BRINP1: variants seen among roughly 807,000 people sequenced by gnomAD.
BRINP1 encodes the protein BMP/retinoic acid inducible neural specific 1, also known as BMP/retinoic acid-inducible neural-specific protein 1.
Under a neutral mutation model 72.9 loss-of-function variants are expected in BRINP1, and 17 were observed. The observed-to-expected ratio is 0.23, with a 90% CI of 0.16 to 0.35. BRINP1 has a LOEUF of 0.35. Ranked by LOEUF, BRINP1 falls within the 10% of genes least tolerant of loss-of-function variation. The probability of loss-of-function intolerance (pLI) is 1.00; values close to 1 mark genes in which losing one functional copy is unlikely to be tolerated. For missense variants in BRINP1, 850 were observed against 1,001.6 expected (o/e 0.85, Z 2.04); for synonymous variants, 418 against 378.5 (o/e 1.10, Z -1.21).
intron 2 of BRINP1, among the ~76,000 whole-genome samples, chr9:119,260,072 T>G (rs1183590189): frequency 6.6e-6 from 1 of 152,204 alleles, no homozygotes; most frequent in Non-Finnish European, 1.5e-5. Flanking sequence ...TGAAACTAGT[T>G]AAGAAATATC....
chr9:119,243,142 C>T (rs1231873808), intron 3 of BRINP1, among the ~76,000 whole-genome samples: 1 of 152,040 alleles, frequency 6.6e-6, no homozygotes, highest in Non-Finnish European at 1.5e-5. Context: ...TGGTGGTTTG[C>T]TGCACCTATA....
At chr9:119,289,183 A>G (rs558864861) in intron 2 of BRINP1, among the ~76,000 whole-genome samples, 1 of 152,248 alleles carries the variant, frequency 6.6e-6, no homozygotes, top group Non-Finnish European at 1.5e-5. Context: ...TTCTAAAGCA[A>G]AAGAACAGAA....
chr9:119,166,961 C>T lies in BRINP1; in HGVS notation c.*123G>A, dbSNP rs919766731. The T allele has an allele frequency of 2.8e-5, 30 of 1,070,614 alleles. No individual in the cohort carries two copies. In the Admixed American group the frequency reaches 5.9e-4, roughly 21 times the overall value. The allele number at this position is 1,070,614 out of a possible 1,614,324, so 66.3% of individuals were successfully genotyped here. On this transcript the variant is annotated 3_prime_UTR_variant, in exon 8 of 8. Transcript: ENST00000265922. ...ATTTCCAACAAATGAAGATTTTCCT[C>T]CTTTTCTTTGAATATTAATTACATT...
intron 2 of BRINP1, among the ~76,000 whole-genome samples, chr9:119,249,805 TGGAAGGAAGGAA>T (rs1348208106): frequency 3.2e-4 from 10 of 31,570 alleles, no homozygotes; most frequent in Admixed American, 2.3e-3. Flanking sequence ...AATAAACAAA[TGGAAGGAAGGAA>T]GGAAGGAAGG....
intron 6 of BRINP1, among the ~76,000 whole-genome samples, chr9:119,209,659 A>T (rs1829900873): frequency 6.6e-6 from 1 of 152,320 alleles, no homozygotes; most frequent in Non-Finnish European, 1.5e-5. Flanking sequence ...TAGCTATAAA[A>T]ATAAATATGT....
chr9:119,215,559 T>G (rs1281562564), intron 5 of BRINP1, among the ~76,000 whole-genome samples: 1 of 152,236 alleles, frequency 6.6e-6, no homozygotes, highest in Non-Finnish European at 1.5e-5. Context: ...GGACACTCCT[T>G]AATCCAACTC....
chr9:119,367,892 T>C (rs1203053190), intron 1 of BRINP1, among the ~76,000 whole-genome samples: 1 of 151,888 alleles, frequency 6.6e-6, no homozygotes, highest in East Asian at 1.9e-4. Context: ...TCTCTCAATA[T>C]CCCCCTAACT....
chr9:119,267,298 A>C (rs1830557147), intron 2 of BRINP1, among the ~76,000 whole-genome samples: 1 of 152,170 alleles, frequency 6.6e-6, no homozygotes, highest in South Asian at 2.1e-4. Flanking sequence ...CACACATTTG[A>C]AAAAGCAACC....
intron 2 of BRINP1, among the ~76,000 whole-genome samples, chr9:119,304,320 G>A (rs1830972865): frequency 6.6e-6 from 1 of 152,192 alleles, no homozygotes; most frequent in South Asian, 2.1e-4. Context: ...GGCAGAACCA[G>A]GATTCAAATT....
intron 7 of BRINP1, among the ~76,000 whole-genome samples, chr9:119,198,068 G>T (rs1023131438): frequency 1.3e-5 from 2 of 152,154 alleles, no homozygotes; most frequent in African/African-American, 4.8e-5. Context: ...TTATGGTATG[G>T]TTTATGCAGG....
Position 119,368,738 on chromosome 9 carries a change from C to A in BRINP1, c.-51+318G>T, listed in dbSNP as rs1437077475. ...GACACACACACACACCACGAACACACGCATCAAACGCAAACGACGCCGCAC... is the reference window on the plus strand; with the variant it reads ...GACACACACACACACCACGAACACAAGCATCAAACGCAAACGACGCCGCAC... On this transcript the variant is annotated intron_variant, in intron 1 of 7. Coordinates refer to ENST00000265922, the MANE Select transcript of BRINP1 (RefSeq NM_014618.3). The surrounding 1 kb of genome is among the most constrained non-coding windows in gnomAD (Gnocchi z 4.7). Among the ~76,000 whole-genome samples the A allele has an allele frequency of 1.3e-5, 2 of 152,166 alleles. No individual in the cohort carries two copies. The highest frequency in any genetic ancestry group is 2.9e-5 in the Non-Finnish European group (2 of 68,014).
rs369614122 is a variant in BRINP1, at chr9:119,249,015, G to C, written c.354C>G (p.Ile118Met). The C allele has an allele frequency of 1.2e-6, 2 of 1,614,040 alleles. No individual in the cohort carries two copies. The highest frequency in any genetic ancestry group is 1.7e-6 in the Non-Finnish European group (2 of 1,179,978). Residue 118 changes from isoleucine (I) to methionine (M), a missense_variant, in exon 3 of 8, where the codon ATC (isoleucine) becomes ATG (methionine). Ile to Met is a conservative substitution (Grantham distance 10). Coordinates refer to ENST00000265922, the MANE Select transcript of BRINP1 (RefSeq NM_014618.3). ...LGRRPTTQQF[I>M]DTIIKKYGTH... The stretch of plus-strand genomic sequence containing the variant: ...TGCCGTACTTTTTGATGATGGTATC[G>C]ATGAACTGCTGAGTGGTAGGTCTCC...
At chr9:119,283,942 G>C (rs1243391538) in intron 2 of BRINP1, among the ~76,000 whole-genome samples, 1 of 152,112 alleles carries the variant, frequency 6.6e-6, no homozygotes, top group East Asian at 1.9e-4. Flanking sequence ...TACAGCCCTT[G>C]GACCACCACC....
chr9:119,180,270 T>C (rs892504228), intron 7 of BRINP1, among the ~76,000 whole-genome samples: 1 of 152,188 alleles, frequency 6.6e-6, no homozygotes, highest in Non-Finnish European at 1.5e-5. Flanking sequence ...AAAAATGAAA[T>C]TGGAGCTCTG....
chr9:119,338,857 C>T (rs931262091), intron 1 of BRINP1, among the ~76,000 whole-genome samples: 1 of 151,178 alleles, frequency 6.6e-6, no homozygotes, highest in African/African-American at 2.4e-5. Flanking sequence ...CGCACTCCAG[C>T]CCTGGCGACA....
chr9:119,212,370 A>C (rs759723751), intron 6 of BRINP1, among the ~76,000 whole-genome samples: 5 of 152,238 alleles, frequency 3.3e-5, no homozygotes, highest in Non-Finnish European at 7.3e-5. Flanking sequence ...TTCTTGTCTA[A>C]AGACTTGAAT....
At chr9:119,302,630 T>C (rs1830950245) in intron 2 of BRINP1, among the ~76,000 whole-genome samples, 1 of 152,180 alleles carries the variant, frequency 6.6e-6, no homozygotes. Context: ...CTGACCTCAC[T>C]ATTGAATTTT....
intron 1 of BRINP1, among the ~76,000 whole-genome samples, chr9:119,331,629 T>C (rs1169677818): frequency 6.6e-6 from 1 of 152,198 alleles, no homozygotes; most frequent in Admixed American, 6.5e-5. Flanking sequence ...CTTAATCCTT[T>C]AACACTCTCT....
intron 2 of BRINP1, among the ~76,000 whole-genome samples, chr9:119,268,388 C>T (rs1045316851): frequency 6.6e-6 from 1 of 152,164 alleles, no homozygotes; most frequent in African/African-American, 2.4e-5. Flanking sequence ...CCTCTACCAT[C>T]CTCCATTAAT....
Sources: allele counts gnomAD v4.1 joint callset (sites outside exome capture counted in the v4.1 genomes callset), GRCh38; gene constraint gnomAD v4.1.1; non-coding constraint Gnocchi (gnomAD v3.1); transcripts MANE v1.5; gene names NCBI Gene and HGNC (gene_info 2026-07-23, HGNC 2026-07-21).